Variants in TMEM50A observed in about 807,000 individuals in gnomAD.
TMEM50A encodes the protein transmembrane protein 50A, also known as cervical cancer oncogene 9.
In TMEM50A, 8 loss-of-function variants were observed where a neutral mutation model predicts 23.9. That is an observed-to-expected ratio of 0.33 (90% CI 0.20 to 0.60). The LOEUF (loss-of-function observed/expected upper bound fraction) is 0.60, where lower values mean the gene tolerates loss of function less well. Among genes scored for constraint, TMEM50A ranks in the 20% least tolerant of loss-of-function variants. The probability of loss-of-function intolerance (pLI) is 0.81; values close to 1 mark genes in which losing one functional copy is unlikely to be tolerated. For synonymous variants in TMEM50A, 55 were observed against 60.4 expected (o/e 0.91, Z 0.41); for missense variants, 178 against 192.7 (o/e 0.92, Z 0.45).
At chr1:25,348,541 TG>T (rs1645242948) in intron 3 of TMEM50A, among the ~76,000 whole-genome samples, 1 of 152,008 alleles carries the variant, frequency 6.6e-6, no homozygotes, top group Admixed American at 6.5e-5. Context: ...AAAAATTAGC[TG>T]GGTGTGGTGA....
At chr1:25,348,683 C>CA (rs57543271) in intron 3 of TMEM50A, among the ~76,000 whole-genome samples, 115,967 of 141,360 alleles carry the variant, frequency 0.82, 51,062 homozygotes, top group East Asian at 1. Flanking sequence ...GACTCCATCT[C>CA]AAAAAAAAAA....
At chr1:25,352,461 A>T (rs1036608882) in intron 4 of TMEM50A, among the ~76,000 whole-genome samples, 1 of 148,004 alleles carries the variant, frequency 6.8e-6, no homozygotes, top group Non-Finnish European at 1.5e-5. Flanking sequence ...GCGCCACTGC[A>T]CTCCAGCCTA....
chr1:25,352,850 A>C, intron 4 of TMEM50A, 32 bp from the exon 5 acceptor site: 2 of 1,590,296 alleles, frequency 1.3e-6, no homozygotes, highest in Non-Finnish European at 1.7e-6. Flanking sequence ...CCCTATAAGA[A>C]AGAATTCTGG....
chr1:25,340,423 A>G (rs1645155129), intron 1 of TMEM50A, 51 bp from the exon 2 acceptor site: 3 of 1,346,700 alleles, frequency 2.2e-6, no homozygotes, highest in Non-Finnish European at 3.2e-6. Flanking sequence ...TTCGGGCTTG[A>G]AGCAAGTAAA....
chr1:25,362,349 A>C lies in TMEM50A; in HGVS notation c.*1644A>C. 1.5e-6 allele frequency: 2 copies of C among 1,359,814 alleles called. No individual in the cohort carries two copies. Among genetic ancestry groups the C allele is most frequent in the Non-Finnish European group, 2.0e-6 (2 of 987,278 alleles). The allele number at this position is 1,359,814 out of a possible 1,614,324, so 84.2% of individuals were successfully genotyped here. ...CATTTATTTTAAACTTATTAAATTG[A>C]CTCTTAAACTAAGTTTTTAGTCTTT... On this transcript the variant is annotated 3_prime_UTR_variant, in exon 7 of 7. Coordinates refer to ENST00000374358, the MANE Select transcript of TMEM50A (RefSeq NM_014313.4).
intron 6 of TMEM50A, among the ~76,000 whole-genome samples, chr1:25,358,880 A>G (rs1442290809): frequency 6.6e-6 from 1 of 152,238 alleles, no homozygotes; most frequent in Non-Finnish European, 1.5e-5. Context: ...CTAGAAGAGC[A>G]GAGATCTGGG....
chr1:25,362,256 A>T lies in TMEM50A; in HGVS notation c.*1551A>T. 1.5e-6 allele frequency: 1 copy of T among 674,146 alleles called. No homozygotes were observed. Among genetic ancestry groups the T allele is most frequent in the Non-Finnish European group, 2.4e-6 (1 of 410,086 alleles). 41.8% of individuals were successfully genotyped at this position (674,146 alleles called of 1,614,324 possible). ...AATCTTAAGAATTGTCAATAAAATT[A>T]ACCCAAAACTTTAATAATGTGTCTG... On this transcript the variant is annotated 3_prime_UTR_variant, in exon 7 of 7. Coordinates refer to ENST00000374358, the MANE Select transcript of TMEM50A (RefSeq NM_014313.4).
At chr1:25,360,015 G>A (rs1645379720) in intron 6 of TMEM50A, among the ~76,000 whole-genome samples, 1 of 152,124 alleles carries the variant, frequency 6.6e-6, no homozygotes. Flanking sequence ...CTTATTTATA[G>A]CCCTGGCACC....
chr1:25,349,645 A>G (rs1042452574), intron 3 of TMEM50A, among the ~76,000 whole-genome samples: 6 of 152,172 alleles, frequency 3.9e-5, no homozygotes, highest in Admixed American at 1.3e-4. Flanking sequence ...CATAGATACA[A>G]GGTCTTACTA....
chr1:25,348,599 C>T lies in TMEM50A; in HGVS notation c.207-3027C>T, dbSNP rs3093606. 1.9e-3 allele frequency among the ~76,000 whole-genome samples: 290 copies of T among 151,172 alleles called. 2 individuals are homozygous for T. Among genetic ancestry groups the T allele is most frequent in the African/African-American group, 5.9e-3 (245 of 41,182 alleles). ...ACTCAGGAGGCTGAGGCAGGGGAATCGCTTGAACCCGGGAGGTGGAGGTTG... is the reference window on the plus strand; with the variant it reads ...ACTCAGGAGGCTGAGGCAGGGGAATTGCTTGAACCCGGGAGGTGGAGGTTG... On this transcript the variant is annotated intron_variant, in intron 3 of 6. Transcript: ENST00000374358.
chr1:25,339,023 G>A (rs954141059), intron 1 of TMEM50A, among the ~76,000 whole-genome samples: 3 of 152,174 alleles, frequency 2.0e-5, no homozygotes, highest in African/African-American at 7.2e-5. Context: ...AATTGAACTT[G>A]TCCCAAAGGC....
At chr1:25,348,322 G>C (rs1211765332) in intron 3 of TMEM50A, among the ~76,000 whole-genome samples, 2 of 152,140 alleles carry the variant, frequency 1.3e-5, no homozygotes, top group African/African-American at 4.8e-5. Flanking sequence ...TATTACAAAA[G>C]TTCTCTGATT....
intron 5 of TMEM50A, among the ~76,000 whole-genome samples, chr1:25,354,345 T>C (rs1403256870): frequency 1.3e-5 from 2 of 152,060 alleles, no homozygotes; most frequent in African/African-American, 2.4e-5. Flanking sequence ...TAAAAAAGGG[T>C]GGGTGCAGTG....
intron 3 of TMEM50A, among the ~76,000 whole-genome samples, chr1:25,348,099 C>T (rs139301091): frequency 1.3e-5 from 2 of 152,268 alleles, no homozygotes; most frequent in African/African-American, 4.8e-5. Context: ...GCTAAACTTA[C>T]ATTCTGTTGC....
chr1:25,350,294 T>C (rs1354644932), intron 3 of TMEM50A, among the ~76,000 whole-genome samples: 2 of 152,252 alleles, frequency 1.3e-5, no homozygotes, highest in African/African-American at 4.8e-5. Context: ...GTACATGTTA[T>C]GTCTGATACA....
chr1:25,342,073 G>A (rs1360210523), intron 2 of TMEM50A, among the ~76,000 whole-genome samples: 1 of 152,092 alleles, frequency 6.6e-6, no homozygotes, highest in African/African-American at 2.4e-5. Flanking sequence ...TAAAAAGAAA[G>A]GCATATGTAC....
intron 3 of TMEM50A, among the ~76,000 whole-genome samples, chr1:25,346,848 G>A (rs1226455080): frequency 6.6e-6 from 1 of 152,014 alleles, no homozygotes; most frequent in Non-Finnish European, 1.5e-5. Context: ...GTGAAACCCT[G>A]TCTCTACAAA....
chr1:25,351,358 A>C (rs1645273534), intron 3 of TMEM50A, among the ~76,000 whole-genome samples: 1 of 151,982 alleles, frequency 6.6e-6, no homozygotes, highest in Non-Finnish European at 1.5e-5. Context: ...AATTTTTAAA[A>C]ATTAGCTGGG....
At chr1:25,360,573 G>A (rs773856436) in intron 6 of TMEM50A, 87 bp from the exon 7 acceptor site, 16 of 1,454,320 alleles carry the variant, frequency 1.1e-5, no homozygotes, top group East Asian at 9.1e-5. Context: ...ATTATTCTTC[G>A]TTGTTTGTTT....
Sources: allele counts gnomAD v4.1 joint callset (sites outside exome capture counted in the v4.1 genomes callset), GRCh38; gene constraint gnomAD v4.1.1; transcripts MANE v1.5; gene names NCBI Gene and HGNC (gene_info 2026-07-23, HGNC 2026-07-21).